The following DMXL1 variants were observed in gnomAD, a reference collection of about 807,000 sequenced individuals.
The protein encoded by DMXL1 is dmX-like protein 1.
A neutral mutation model predicts 319.2 loss-of-function variants in DMXL1; 99 were observed. That is an observed-to-expected ratio of 0.31 (90% CI 0.26 to 0.37). The LOEUF is 0.37. Among genes scored for constraint, DMXL1 ranks in the 10% least tolerant of loss-of-function variants. The pLI, the probability that DMXL1 is intolerant of heterozygous loss-of-function variation, is 1.00. For synonymous variants in DMXL1, 1,385 were observed against 1,235.2 expected, an observed-to-expected ratio of 1.12 and a Z score of -2.54; for missense variants, 3,745 against 3,595.6, an observed-to-expected ratio of 1.04 and a Z score of -1.06.
At position 119,148,902 on chromosome 5, in the gene DMXL1, A is replaced by G. The variant is rs375482817; in HGVS notation, c.3075A>G (p.Glu1025=). The G allele has an allele frequency of 5.0e-6, 8 of 1,613,884 alleles. No individual in the cohort carries two copies. Among genetic ancestry groups the G allele is most frequent in the South Asian group, 2.2e-5 (2 of 91,090 alleles). Residue 1025 remains glutamate, a synonymous_variant, in exon 18 of 44, where the codon GAA becomes GAG. Coordinates refer to ENST00000539542, the MANE Select transcript of DMXL1 (RefSeq NM_001290321.3). Reference sequence around the variant, plus strand: ...TTGATCTTGCATACATTTGGGAAGAATGGCCATTACTTATTGAAGATGGAC... The same window carrying G: ...TTGATCTTGCATACATTTGGGAAGAGTGGCCATTACTTATTGAAGATGGAC... ...GKIDLAYIWE[E]WPLLIEDGLQ... is the part of the protein sequence containing the mutation.
chr5:119,110,320 G>A, intron 5 of DMXL1, 37 bp downstream of exon 5: 2 of 1,477,042 alleles, frequency 1.4e-6, no homozygotes. Context: ...TGATAAACCT[G>A]TTGTTCTATG....
In DMXL1 at chr5:119,150,152, G is replaced by T. The variant is rs1303887256; in HGVS notation, c.4325G>T (p.Ser1442Ile). The stretch of plus-strand genomic sequence containing the variant: ...AAATCAAACCAATTATCTAAAGAAA[G>T]TTATGATGAGCTTTTTCAGACTCAA... ...LSKSNQLSKESYDELFQTQLL... is the reference protein window; with the variant it reads ...LSKSNQLSKEIYDELFQTQLL... Residue 1442 changes from serine (S) to isoleucine (I), a missense_variant, in exon 18 of 44, where the codon AGT becomes ATT. Ser to Ile is a moderately radical substitution (Grantham distance 142, BLOSUM62 -2). This residue lies in a region of DMXL1 where 2,096 missense variants were observed against 1,985.4 expected (regional missense o/e 1.06). Coordinates refer to ENST00000539542, the MANE Select transcript of DMXL1 (RefSeq NM_001290321.3). 6.2e-7 allele frequency: 1 copy of T among 1,613,644 alleles called. No individual in the cohort carries two copies. The highest frequency in any genetic ancestry group is 2.2e-5 in the East Asian group (1 of 44,884).
At chr5:119,119,526 T>G (rs907519485) in intron 8 of DMXL1, among the ~76,000 whole-genome samples, 2 of 151,486 alleles carry the variant, frequency 1.3e-5, no homozygotes, top group Non-Finnish European at 2.9e-5. Flanking sequence ...GTAATACAGA[T>G]TCTTCCAATT....
At chr5:119,121,571 CAT>C (rs1341152830) in intron 9 of DMXL1, among the ~76,000 whole-genome samples, 1 of 152,134 alleles carries the variant, frequency 6.6e-6, no homozygotes, top group African/African-American at 2.4e-5. Flanking sequence ...GGACACAGCA[CAT>C]GTTTCAGAGA....
At chr5:119,143,765 T>C in intron 13 of DMXL1, 76 bp from the exon 14 acceptor site, 1 of 938,722 alleles carries the variant, frequency 1.1e-6, no homozygotes, top group Non-Finnish European at 1.6e-6. Context: ...TTATCTGTTA[T>C]GCTTGAAATT....
intron 9 of DMXL1, among the ~76,000 whole-genome samples, chr5:119,126,576 C>T (rs150010428): frequency 3.0e-4 from 46 of 152,186 alleles, no homozygotes; most frequent in Non-Finnish European, 6.6e-4. Context: ...TGCCCAACAC[C>T]GTGGACAATT....
chr5:119,134,669 G>A (rs573431614), intron 13 of DMXL1, among the ~76,000 whole-genome samples: 3 of 152,312 alleles, frequency 2.0e-5, no homozygotes, highest in East Asian at 3.9e-4. Flanking sequence ...ACAGTATAAT[G>A]TAGAAGTTAT....
rs758766010 is a variant in DMXL1, at chr5:119,178,026, C to A, written c.6917C>A (p.Ser2306Tyr). ...ACTTGTCTAATTCGACTTTTGAATTCTTCTGGCGAGGAAGCCCAGTCAGGG... is the reference window on the plus strand; with the variant it reads ...ACTTGTCTAATTCGACTTTTGAATTATTCTGGCGAGGAAGCCCAGTCAGGG... ...GITCLIRLLN[S>Y]SGEEAQSGLT... The change falls in exon 28 of 44, where the codon TCT becomes TAT. Residue 2306 changes from serine to tyrosine, a missense_variant. Physicochemically the swap from Ser to Tyr is moderately radical, Grantham distance 144. Around this residue, in one of 4 missense-constraint regions of DMXL1, gnomAD observed 1,382 missense variants for 1,269.5 expected, o/e 1.09. Transcript: ENST00000539542. 4.3e-6 allele frequency: 7 copies of A among 1,609,292 alleles called. No individual in the cohort carries two copies. Among genetic ancestry groups the A allele is most frequent in the Non-Finnish European group, 5.9e-6 (7 of 1,177,334 alleles).
At chr5:119,182,725 AT>A (rs776856423) in intron 28 of DMXL1, among the ~76,000 whole-genome samples, 3 of 151,742 alleles carry the variant, frequency 2.0e-5, no homozygotes, top group East Asian at 3.8e-4. Flanking sequence ...ACTTAATCAA[AT>A]TTTTTTTGGT....
At chr5:119,090,640 G>A (rs896752674) in intron 1 of DMXL1, among the ~76,000 whole-genome samples, 1 of 144,660 alleles carries the variant, frequency 6.9e-6, no homozygotes, top group African/African-American at 2.6e-5. Context: ...TCGGCTCACC[G>A]CAACCTCTGC....
intron 1 of DMXL1, among the ~76,000 whole-genome samples, chr5:119,090,730 T>G (rs1175117570): frequency 6.6e-6 from 1 of 150,834 alleles, no homozygotes; most frequent in Non-Finnish European, 1.5e-5. Flanking sequence ...GCCTGGCTAA[T>G]TTTTTTTTGT....
Position 119,177,617 on chromosome 5 carries a change from C to T in DMXL1, c.6886+133C>T, listed in dbSNP as rs73242983. 12,100 of 667,940 alleles carry T rather than the reference C, an allele frequency of 0.018. 1,144 individuals are homozygous for T. In the African/African-American group the frequency reaches 0.2, roughly 11 times the overall value. The allele number at this position is 667,940 out of a possible 1,614,324, so 41.4% of individuals were successfully genotyped here. On this transcript the variant is annotated intron_variant, in intron 27 of 43. Coordinates refer to ENST00000539542, the MANE Select transcript of DMXL1 (RefSeq NM_001290321.3). ...AGAATTGATACCAGTTAAGTATTCA[C>T]CACTCATTCTGAATTACAGTTACTT...
rs115019542 is a variant in DMXL1 at position 119,155,717 on chromosome 5, A to G, written c.4702+3681A>G. Among the ~76,000 whole-genome samples the G allele has an allele frequency of 8.4e-3, 1,265 of 150,602 alleles. 15 individuals are homozygous for G. The highest frequency in any genetic ancestry group is 0.027 in the South Asian group (127 of 4,652). Reference sequence around the variant, plus strand: ...GTGTTACGTGCCTGTAGTCCTAGCTATTCAGGGAGCTGAATAGGAATATCA... The same window carrying G: ...GTGTTACGTGCCTGTAGTCCTAGCTGTTCAGGGAGCTGAATAGGAATATCA... On this transcript the variant is annotated intron_variant, in intron 19 of 43. Coordinates refer to ENST00000539542, the MANE Select transcript of DMXL1 (RefSeq NM_001290321.3).
intron 28 of DMXL1, among the ~76,000 whole-genome samples, chr5:119,179,399 C>T (rs779945499): frequency 2.0e-5 from 3 of 151,016 alleles, no homozygotes; most frequent in Admixed American, 1.3e-4. Flanking sequence ...TCTTCCCTGA[C>T]GTTTACACTG....
intron 9 of DMXL1, chr5:119,128,089 C>A: frequency 2.1e-6 from 1 of 471,092 alleles, no homozygotes; most frequent in Non-Finnish European, 4.2e-6. Context: ...ATTACTATTA[C>A]CCATTGCAAG....
chr5:119,155,503 T>C (rs1770810609), intron 19 of DMXL1, among the ~76,000 whole-genome samples: 1 of 152,098 alleles, frequency 6.6e-6, no homozygotes, highest in African/African-American at 2.4e-5. Flanking sequence ...GAATTAAAAG[T>C]AGAACCTGAA....
chr5:119,161,054 AT>A, intron 19 of DMXL1, among the ~76,000 whole-genome samples: 1 of 152,166 alleles, frequency 6.6e-6, no homozygotes, highest in Non-Finnish European at 1.5e-5. Flanking sequence ...ATTCTCGTGT[AT>A]TTGCTTTGGG....
At chr5:119,200,196 TG>T (rs1780441600) in intron 32 of DMXL1, among the ~76,000 whole-genome samples, 1 of 152,220 alleles carries the variant, frequency 6.6e-6, no homozygotes. Context: ...CTAAAATTTT[TG>T]TAGCTTTTGG....
rs372819928 is a variant in DMXL1 at position 119,075,482 on chromosome 5, G to T, written c.87+3826G>T. ...TTGAACTCCTCACCTCAAATGATCC[G>T]CCCACCTCGGCCTCCCCACGTACTG... On this transcript the variant is annotated intron_variant, in intron 1 of 43. Coordinates refer to ENST00000539542, the MANE Select transcript of DMXL1 (RefSeq NM_001290321.3). 1.5e-3 allele frequency among the ~76,000 whole-genome samples: 224 copies of T among 151,640 alleles called. 10 individuals carry two copies. The South Asian group carries it at 0.044, about 30-fold the overall frequency.
Sources: gnomAD v4.1 joint callset for allele counts (sites outside exome capture counted in the v4.1 genomes callset) on GRCh38, gnomAD v4.1.1 for gene constraint, gnomAD v4.1.1 regional missense constraint, MANE v1.5 for transcripts, NCBI Gene and HGNC (gene_info 2026-07-23, HGNC 2026-07-21) for gene names.